Variants in TAFA4 observed in about 807,000 individuals in gnomAD.
The protein encoded by TAFA4 is chemokine-like protein TAFA-4.
In TAFA4, 20 loss-of-function variants were observed where a neutral mutation model predicts 21.1. The observed-to-expected ratio is 0.95, with a 90% CI of 0.67 to 1.38. The LOEUF is 1.38. Among genes scored for constraint, TAFA4 ranks in the 40% most tolerant of loss-of-function variants. The pLI, the probability that TAFA4 is intolerant of heterozygous loss-of-function variation, is 0.00. For missense variants in TAFA4, 211 were observed against 180.9 expected (o/e 1.17, Z -0.95); for synonymous variants, 71 against 67.4 (o/e 1.05, Z -0.26).
intron 1 of TAFA4, among the ~76,000 whole-genome samples, chr3:68,908,151 G>C (rs914381744): frequency 2.6e-5 from 4 of 152,144 alleles, no homozygotes; most frequent in African/African-American, 9.7e-5. Flanking sequence ...AATGAAAATA[G>C]GTAGACTAAA....
Position 68,879,791 on chromosome 3 carries a change from A to G in TAFA4, c.130+939T>C, listed in dbSNP as rs146597332. ...ACATGTTATATATTTGGTGGTAAGA[A>G]TATCTCATGAACTTTCCAAACACAA... On this transcript the variant is annotated intron_variant, in intron 3 of 5. Transcript: ENST00000295569. Among the ~76,000 whole-genome samples the G allele has an allele frequency of 3.4e-3, 518 of 152,296 alleles. 4 individuals carry two copies. The highest frequency in any genetic ancestry group is 0.012 in the African/African-American group (487 of 41,556).
intron 3 of TAFA4, among the ~76,000 whole-genome samples, chr3:68,829,802 G>C (rs530602298): frequency 1.3e-5 from 2 of 152,144 alleles, no homozygotes; most frequent in African/African-American, 4.8e-5. Context: ...AATTCAGCTT[G>C]AATCTGTCCG....
chr3:68,873,368 A>G (rs1226018485), intron 3 of TAFA4, among the ~76,000 whole-genome samples: 3 of 143,954 alleles, frequency 2.1e-5, no homozygotes, highest in Non-Finnish European at 4.5e-5. Flanking sequence ...ACACACACAC[A>G]CACACACACC....
At chr3:68,830,483 T>G (rs1233459231) in intron 3 of TAFA4, among the ~76,000 whole-genome samples, 1 of 152,228 alleles carries the variant, frequency 6.6e-6, no homozygotes, top group African/African-American at 2.4e-5. Context: ...TCACTTTCCA[T>G]GTAGTTGTGC....
intron 3 of TAFA4, among the ~76,000 whole-genome samples, chr3:68,877,766 C>A (rs1261816576): frequency 6.6e-6 from 1 of 152,204 alleles, no homozygotes; most frequent in Non-Finnish European, 1.5e-5. Flanking sequence ...AAGGCTCTGA[C>A]CACATCTACC....
intron 4 of TAFA4, among the ~76,000 whole-genome samples, chr3:68,746,689 A>G (rs1702464675): frequency 6.6e-6 from 1 of 152,170 alleles, no homozygotes; most frequent in Non-Finnish European, 1.5e-5. Flanking sequence ...TTACTTGTTC[A>G]CACATTCTGC....
chr3:68,909,180 C>CA (rs1190123978), intron 1 of TAFA4, among the ~76,000 whole-genome samples: 3 of 152,040 alleles, frequency 2.0e-5, no homozygotes, highest in African/African-American at 7.3e-5. Context: ...GCAAACCCCC[C>CA]AAAAAAAAAA....
chr3:68,846,200 G>T (rs1704788904), intron 3 of TAFA4, among the ~76,000 whole-genome samples: 1 of 151,916 alleles, frequency 6.6e-6, no homozygotes, highest in African/African-American at 2.4e-5. Context: ...TTTCTTGGAG[G>T]CTTTGTTCGT....
intron 1 of TAFA4, among the ~76,000 whole-genome samples, chr3:68,892,807 C>G (rs1002889799): frequency 6.6e-6 from 1 of 152,158 alleles, no homozygotes; most frequent in Non-Finnish European, 1.5e-5. Flanking sequence ...AAACTCTAGC[C>G]TTCAAGTGAC....
chr3:68,889,768 G>C (rs999318623), intron 1 of TAFA4, among the ~76,000 whole-genome samples: 1 of 152,106 alleles, frequency 6.6e-6, no homozygotes, highest in African/African-American at 2.4e-5. Flanking sequence ...ATAGTATCAA[G>C]GTCATGAAAG....
In TAFA4 at chr3:68,872,504, T is replaced by C. The variant is rs59422310; in HGVS notation, c.130+8226A>G. Among the ~76,000 whole-genome samples the C allele has an allele frequency of 9.3e-3, 1,415 of 152,138 alleles. 20 individuals carry two copies. Among genetic ancestry groups the C allele is most frequent in the African/African-American group, 0.032 (1,316 of 41,512 alleles). On this transcript the variant is annotated intron_variant, in intron 3 of 5. Coordinates refer to ENST00000295569, the MANE Select transcript of TAFA4 (RefSeq NM_182522.5). Reference sequence around the variant, plus strand: ...GTTCAATAGTATGGTACGGTAACTATAGTTAACAATAATTTAGTTTTAGTT... The same window carrying C: ...GTTCAATAGTATGGTACGGTAACTACAGTTAACAATAATTTAGTTTTAGTT...
chr3:68,789,805 AC>A (rs1703329839), intron 3 of TAFA4, among the ~76,000 whole-genome samples: 1 of 152,228 alleles, frequency 6.6e-6, no homozygotes, highest in African/African-American at 2.4e-5. Context: ...TCATCAGAAA[AC>A]AAAAGAAATG....
intron 3 of TAFA4, among the ~76,000 whole-genome samples, chr3:68,802,290 G>A (rs537959835): frequency 6.6e-6 from 1 of 152,074 alleles, no homozygotes; most frequent in South Asian, 2.1e-4. Flanking sequence ...CACACAAACT[G>A]GAAGAAAATA....
intron 3 of TAFA4, among the ~76,000 whole-genome samples, chr3:68,836,941 G>C (rs542777491): frequency 7.4e-4 from 113 of 152,196 alleles, no homozygotes; most frequent in Non-Finnish European, 1.5e-3. Context: ...ATAACTCTGA[G>C]AACAGTGATG....
intron 3 of TAFA4, among the ~76,000 whole-genome samples, chr3:68,812,753 T>A (rs1193975003): frequency 6.6e-6 from 1 of 152,100 alleles, no homozygotes; most frequent in East Asian, 1.9e-4. Flanking sequence ...GCTGTCAACA[T>A]TAGACAGATC....
intron 4 of TAFA4, among the ~76,000 whole-genome samples, chr3:68,743,606 ATTC>A (rs1702399213): frequency 2.0e-5 from 3 of 151,496 alleles, no homozygotes; most frequent in South Asian, 4.2e-4. Context: ...GTTAAGTTAT[ATTC>A]TTTGCAGCCT....
chr3:68,783,051 G>A (rs1251866424), intron 3 of TAFA4, among the ~76,000 whole-genome samples: 1 of 152,108 alleles, frequency 6.6e-6, no homozygotes, highest in Non-Finnish European at 1.5e-5. Flanking sequence ...AGTAGATGCA[G>A]AAAAAATATT....
At chr3:68,905,379 A>T (rs1280253883) in intron 1 of TAFA4, among the ~76,000 whole-genome samples, 1 of 152,112 alleles carries the variant, frequency 6.6e-6, no homozygotes, top group African/African-American at 2.4e-5. Context: ...CACGTTGGCC[A>T]GGATGGTATC....
intron 3 of TAFA4, among the ~76,000 whole-genome samples, chr3:68,810,468 C>T (rs768359251): frequency 1.3e-5 from 2 of 152,104 alleles, no homozygotes; most frequent in Non-Finnish European, 2.9e-5. Context: ...CGGGTCACTC[C>T]CACCCTAATA....
Sources: allele counts gnomAD v4.1 joint callset (sites outside exome capture counted in the v4.1 genomes callset), GRCh38; gene constraint gnomAD v4.1.1; transcripts MANE v1.5; gene names NCBI Gene and HGNC (gene_info 2026-07-23, HGNC 2026-07-21).